MALRD1: variants seen among roughly 807,000 people sequenced by gnomAD.
MALRD1 encodes the protein MAM and LDL receptor class A domain containing 1.
A neutral mutation model predicts 242.1 loss-of-function variants in MALRD1; 247 were observed. The ratio of observed to expected loss-of-function variants is 1.02; its 90% CI spans 0.92 to 1.13. The LOEUF is 1.13. Ranked by LOEUF, MALRD1 falls within the 50% of genes most tolerant of loss-of-function variation. The pLI is 0.00. For missense variants in MALRD1, 2,989 were observed against 2,533.1 expected, an observed-to-expected ratio of 1.18 and a Z score of -3.86; for synonymous variants, 995 against 866.6, an observed-to-expected ratio of 1.15 and a Z score of -2.60.
chr10:19,567,048 A>G (rs878894630), intron 32 of MALRD1, among the ~76,000 whole-genome samples: 1 of 152,166 alleles, frequency 6.6e-6, no homozygotes, highest in Admixed American at 6.6e-5. Context: ...CTGTCTTCAA[A>G]ATGTTAAAAT....
At chr10:19,199,647 A>C (rs1042529712) in intron 14 of MALRD1, among the ~76,000 whole-genome samples, 2 of 152,056 alleles carry the variant, frequency 1.3e-5, no homozygotes, top group African/African-American at 4.8e-5. Flanking sequence ...CTAAAAATAC[A>C]AACAGTAGCT....
At chr10:19,451,984 A>C (rs1835352814) in intron 29 of MALRD1, among the ~76,000 whole-genome samples, 1 of 152,184 alleles carries the variant, frequency 6.6e-6, no homozygotes, top group Non-Finnish European at 1.5e-5. Context: ...GAGGTTTTGC[A>C]CATGTATTTG....
intron 26 of MALRD1, among the ~76,000 whole-genome samples, chr10:19,368,708 T>C (rs1338224369): frequency 2.6e-5 from 4 of 151,984 alleles, no homozygotes; most frequent in African/African-American, 7.2e-5. Context: ...TTATGTAGTA[T>C]GCTTATTTTA....
intron 12 of MALRD1, 50 bp from the exon 13 acceptor site, chr10:19,165,587 A>G: frequency 8.3e-7 from 1 of 1,203,028 alleles, no homozygotes; most frequent in Non-Finnish European, 1.0e-6. Context: ...AAAAACTACC[A>G]GAGACAGGTC....
intron 29 of MALRD1, among the ~76,000 whole-genome samples, chr10:19,465,083 A>C (rs1039366113): frequency 4.6e-5 from 7 of 151,776 alleles, no homozygotes. Flanking sequence ...AACTTTGCTG[A>C]ATTTATCAGT....
intron 32 of MALRD1, among the ~76,000 whole-genome samples, chr10:19,552,941 G>GGAAGA (rs1471557249): frequency 4.0e-5 from 6 of 151,820 alleles, no homozygotes; most frequent in African/African-American, 1.2e-4. Context: ...ACTTGTCCCT[G>GGAAGA]GAAGAAAACA....
intron 2 of MALRD1, among the ~76,000 whole-genome samples, chr10:19,071,018 ATTTTTGTAC>A (rs1234677950): frequency 6.6e-6 from 1 of 151,460 alleles, no homozygotes; most frequent in Non-Finnish European, 1.5e-5. Context: ...CTCCTGGCTA[ATTTTTGTAC>A]TTTTAGTAGA....
intron 32 of MALRD1, among the ~76,000 whole-genome samples, chr10:19,554,081 A>C (rs753020319): frequency 5.3e-5 from 8 of 152,212 alleles, no homozygotes; most frequent in Non-Finnish European, 8.8e-5. Context: ...AGTAAGCAGA[A>C]GATGTAATAA....
intron 13 of MALRD1, among the ~76,000 whole-genome samples, chr10:19,171,272 A>G (rs1318374833): frequency 3.3e-5 from 5 of 151,538 alleles, no homozygotes; most frequent in Non-Finnish European, 7.4e-5. Context: ...AAATTATTCA[A>G]TTACCTTGAG....
chr10:19,626,463 C>A (rs911468025), intron 36 of MALRD1, among the ~76,000 whole-genome samples: 1 of 151,752 alleles, frequency 6.6e-6, no homozygotes. Context: ...GAAATCCACA[C>A]AAATGTACTG....
At chr10:19,446,290 T>G (rs1337983843) in intron 28 of MALRD1, among the ~76,000 whole-genome samples, 2 of 151,908 alleles carry the variant, frequency 1.3e-5, no homozygotes, top group Admixed American at 1.3e-4. Context: ...CTGCACCCAC[T>G]GTCCAACAAG....
intron 32 of MALRD1, among the ~76,000 whole-genome samples, chr10:19,544,561 G>T (rs1289274910): frequency 4.0e-5 from 6 of 149,714 alleles, no homozygotes; most frequent in Non-Finnish European, 8.9e-5. Context: ...AGTTTTAATT[G>T]CTGTGCCTTT....
intron 31 of MALRD1, among the ~76,000 whole-genome samples, chr10:19,506,238 G>T (rs1833133863): frequency 6.6e-6 from 1 of 152,190 alleles, no homozygotes; most frequent in South Asian, 2.1e-4. Context: ...TTTCATTCAT[G>T]AGTTTAAATG....
intron 28 of MALRD1, among the ~76,000 whole-genome samples, chr10:19,429,169 T>A (rs1326453577): frequency 6.6e-6 from 1 of 152,190 alleles, no homozygotes; most frequent in African/African-American, 2.4e-5. Flanking sequence ...GTATTACTGT[T>A]ATCTTCACGT....
chr10:19,567,378 A>G, intron 32 of MALRD1, 124 bp from the exon 33 acceptor site: 2 of 834,862 alleles, frequency 2.4e-6, no homozygotes, highest in Admixed American at 5.6e-5. Context: ...ACAGATAGAA[A>G]ATACAATAGT....
chr10:19,671,435 T>A (rs1357451970), intron 36 of MALRD1, among the ~76,000 whole-genome samples: 1 of 152,054 alleles, frequency 6.6e-6, no homozygotes, highest in Non-Finnish European at 1.5e-5. Context: ...CCGACCAACA[T>A]GGCAAAACCT....
At chr10:19,408,462 G>GT (rs900335706) in intron 28 of MALRD1, among the ~76,000 whole-genome samples, 31 of 152,060 alleles carry the variant, frequency 2.0e-4, no homozygotes, top group African/African-American at 6.5e-4. Flanking sequence ...TCTCCTTTGA[G>GT]TTTTTTAAAG....
intron 26 of MALRD1, among the ~76,000 whole-genome samples, chr10:19,384,867 A>G (rs1588999634): frequency 6.6e-6 from 1 of 150,898 alleles, no homozygotes; most frequent in African/African-American, 2.4e-5. Context: ...AGAACTGAAA[A>G]TTTTTTACTG....
intron 28 of MALRD1, among the ~76,000 whole-genome samples, chr10:19,404,681 T>A (rs1847013349): frequency 6.6e-6 from 1 of 152,136 alleles, no homozygotes; most frequent in South Asian, 2.1e-4. Flanking sequence ...GGGAAGTGAT[T>A]GTTTTATATC....
Sources: allele counts gnomAD v4.1 joint callset (sites outside exome capture counted in the v4.1 genomes callset), GRCh38; gene constraint gnomAD v4.1.1; transcripts MANE v1.5; gene names NCBI Gene and HGNC (gene_info 2026-07-23, HGNC 2026-07-21).